The following MUC21 variants were observed in gnomAD, a reference collection of about 807,000 sequenced individuals.
MUC21 encodes mucin-21.
In MUC21, 8 loss-of-function variants were observed where a neutral mutation model predicts 9.1. The observed-to-expected ratio is 0.88, with a 90% CI of 0.52 to 1.59. The LOEUF is 1.59. Ranked by LOEUF, MUC21 falls within the 40% of genes most tolerant of loss-of-function variation. The pLI is 0.00. For synonymous variants in MUC21, 189 were observed against 275.2 expected, an observed-to-expected ratio of 0.69 and a Z score of 3.10; for missense variants, 478 against 694.2, an observed-to-expected ratio of 0.69 and a Z score of 3.50.
In MUC21 at chr6:30,987,669, C is replaced by G. The variant is rs753234539; in HGVS notation, c.1494C>G (p.Leu498=). The change falls in exon 2 of 3, where the codon CTC becomes CTG. Residue 498 remains leucine, a synonymous_variant. Coordinates refer to ENST00000376296, the MANE Select transcript of MUC21 (RefSeq NM_001010909.5). Reference sequence around the variant, plus strand: ...CGGCCGTGGGGCTCTTTGCTGGGCTCTTCTTCTGTGTGGTGAGTGCCTAAT... The same window carrying G: ...CGGCCGTGGGGCTCTTTGCTGGGCTGTTCTTCTGTGTGGTGAGTGCCTAAT... ...VVAAVGLFAG[L]FFCVRNSLSL... is the part of the protein sequence containing the mutation. 2 of 1,613,450 alleles carry G rather than the reference C, an allele frequency of 1.2e-6. No homozygotes were observed. The highest frequency in any genetic ancestry group is 4.5e-5 in the East Asian group (2 of 44,768).
intron 2 of MUC21, 124 bp from the exon 3 acceptor site, chr6:30,987,876 C>A: frequency 9.0e-7 from 1 of 1,109,102 alleles, no homozygotes; most frequent in Non-Finnish European, 1.3e-6. Flanking sequence ...ACAGAAAGGA[C>A]TGGAGAAAGG....
rs1396836570 is a variant in MUC21, at chr6:30,988,013, C to T, written c.1520C>T (p.Ser507Phe). The change falls in exon 3 of 3, where the codon TCC (serine) becomes TTC (phenylalanine). Residue 507 changes from serine (S) to phenylalanine (F), a missense_variant. Ser to Phe is a radical substitution (Grantham distance 155). Around this residue, in one of 5 missense-constraint regions of MUC21, gnomAD observed 158 missense variants for 192.6 expected, o/e 0.82. Transcript: ENST00000376296. ...GLFFCVRNSLSLRNTFNTAVY... is the reference protein window; with the variant it reads ...GLFFCVRNSLFLRNTFNTAVY... ...TTCTTTTTTTAGAGAAACAGCCTGT[C>T]CCTGAGAAACACCTTTAACACAGCT... 1.7e-6 allele frequency: 2 copies of T among 1,205,536 alleles called. No individual in the cohort carries two copies. The highest frequency in any genetic ancestry group is 1.5e-5 in the African/African-American group (1 of 66,996). The allele number at this position is 1,205,536 out of a possible 1,614,324, so 74.7% of individuals were successfully genotyped here.
intron 1 of MUC21, among the ~76,000 whole-genome samples, chr6:30,985,776 C>CT (rs1375995517): frequency 6.6e-6 from 1 of 151,978 alleles, no homozygotes; most frequent in African/African-American, 2.4e-5. Flanking sequence ...CCAGTGTCAA[C>CT]TTTTTTTTAT....
chr6:30,987,131 A>AGTGTGAC lies in MUC21; in HGVS notation c.956_957insGTGTGAC (p.Asp319GlufsTer18), dbSNP rs1562532458. ...GGGGCCAACACAGCCACCAACTCTG[A>AGTGTGAC]CTCCAGCACAACCTCCAGTGGGGCC... On this transcript the variant is annotated frameshift_variant, in exon 2 of 3. Transcript: ENST00000376296. LOFTEE classifies it high-confidence loss of function. The AGTGTGAC allele has an allele frequency of 1.3e-6, 2 of 1,563,824 alleles. No homozygotes were observed. Among genetic ancestry groups the AGTGTGAC allele is most frequent in the Admixed American group, 1.8e-5 (1 of 56,518 alleles).
At chr6:30,985,453 G>T (rs549983128) in intron 1 of MUC21, among the ~76,000 whole-genome samples, 1 of 152,244 alleles carries the variant, frequency 6.6e-6, no homozygotes, top group East Asian at 1.9e-4. Flanking sequence ...GCTCCCTTAA[G>T]TAATTCTGAA....
Position 30,987,566 on chromosome 6 carries a change from C to T in MUC21, c.1391C>T (p.Thr464Ile). ...GMHTTSHSAS[T>I]AVSEAKPGGS... ...CACACAACTTCCCATAGTGCATCTA[C>T]TGCAGTGAGTGAGGCGAAGCCTGGT... Residue 464 changes from threonine to isoleucine, a missense_variant, in exon 2 of 3, where the codon ACT (threonine) becomes ATT (isoleucine). Transcript: ENST00000376296. 1 of 1,614,270 alleles carries T rather than the reference C, an allele frequency of 6.2e-7. No individual in the cohort carries two copies. Among genetic ancestry groups the T allele is most frequent in the African/African-American group, 1.3e-5 (1 of 75,064 alleles).
At position 30,987,651 on chromosome 6, in the gene MUC21, G is replaced by A. The variant is rs949316933; in HGVS notation, c.1476G>A (p.Val492=). 1 of 1,614,016 alleles carries A rather than the reference G, an allele frequency of 6.2e-7. No homozygotes were observed. The highest frequency in any genetic ancestry group is 1.3e-5 in the African/African-American group (1 of 75,028). ...LITLVSVVAA[V]GLFAGLFFCV... is the part of the protein sequence containing the mutation. ...CCCTGGTCTCGGTTGTGGCGGCCGT[G>A]GGGCTCTTTGCTGGGCTCTTCTTCT... is the stretch of plus-strand genomic sequence containing the variant. Residue 492 remains valine, a synonymous_variant, in exon 2 of 3, where the codon GTG becomes GTA. Coordinates refer to ENST00000376296, the MANE Select transcript of MUC21 (RefSeq NM_001010909.5).
intron 1 of MUC21, 42 bp from the exon 2 acceptor site, chr6:30,986,195 A>G (rs754709043): frequency 1.3e-6 from 2 of 1,533,706 alleles, no homozygotes; most frequent in Non-Finnish European, 1.8e-6. Flanking sequence ...AGCAGAAAGT[A>G]TATACACACA....
In MUC21 at chr6:30,988,065, T is replaced by C. The variant is rs1581546068; in HGVS notation, c.1572T>C (p.His524=). ...TCTACCACCCTCATGGCCTCAACCA[T>C]GGCCTTGGTCCAGGCCCTGGAGGGA... ...TAVYHPHGLN[H]GLGPGPGGNH... The change falls in exon 3 of 3, where the codon CAT becomes CAC. Residue 524 remains histidine (H), a synonymous_variant. Coordinates refer to ENST00000376296, the MANE Select transcript of MUC21 (RefSeq NM_001010909.5). 1 of 1,556,642 alleles carries C rather than the reference T, an allele frequency of 6.4e-7. No homozygotes were observed. Among genetic ancestry groups the C allele is most frequent in the Non-Finnish European group, 8.9e-7 (1 of 1,128,492 alleles).
Position 30,987,483 on chromosome 6 carries a change from C to T in MUC21, c.1308C>T (p.Thr436=). 1 of 1,614,234 alleles carries T rather than the reference C, an allele frequency of 6.2e-7. No individual in the cohort carries two copies. Among genetic ancestry groups the T allele is most frequent in the Non-Finnish European group, 8.5e-7 (1 of 1,180,030 alleles). ...STTSSGANTA[T]NSGSSVTSAG... ...CCTCCAGTGGGGCCAACACAGCCACCAACTCTGGGTCCAGTGTGACCTCTG... is the reference window on the plus strand; with the variant it reads ...CCTCCAGTGGGGCCAACACAGCCACTAACTCTGGGTCCAGTGTGACCTCTG... Residue 436 remains threonine, a synonymous_variant, in exon 2 of 3, where the codon ACC becomes ACT. Transcript: ENST00000376296.
chr6:30,984,996 CAATAA>C (rs9257008), intron 1 of MUC21, among the ~76,000 whole-genome samples: 20,440 of 142,810 alleles, frequency 0.14, 1,630 homozygotes, highest in East Asian at 0.38. Flanking sequence ...AATAAATAAG[CAATAA>C]AATAAAATAA....
chr6:30,987,990 CT>C lies in MUC21; in HGVS notation c.1507-3del. 1.8e-6 allele frequency: 2 copies of C among 1,114,888 alleles called. No individual in the cohort carries two copies. The highest frequency in any genetic ancestry group is 2.8e-6 in the Non-Finnish European group (2 of 725,320). 69.1% of individuals were successfully genotyped at this position (1,114,888 alleles called of 1,614,324 possible). ...TGCAATTCTGAAACTATTGACTCTT[CT>C]TTTTTTAGAGAAACAGCCTGTCCCT... On this transcript the variant is annotated splice_polypyrimidine_tract_variant and intron_variant, in intron 2 of 2. Transcript: ENST00000376296.
chr6:30,987,557 G>A lies in MUC21; in HGVS notation c.1382G>A (p.Ser461Asn), dbSNP rs1309145591. The stretch of plus-strand genomic sequence containing the variant: ...ACTGGAATGCACACAACTTCCCATA[G>A]TGCATCTACTGCAGTGAGTGAGGCG... ...ALTGMHTTSH[S>N]ASTAVSEAKP... Residue 461 changes from serine to asparagine, a missense_variant, in exon 2 of 3, where the codon AGT becomes AAT. By Grantham distance (46) the Ser-to-Asn change is conservative. Coordinates refer to ENST00000376296, the MANE Select transcript of MUC21 (RefSeq NM_001010909.5). 6.2e-7 allele frequency: 1 copy of A among 1,614,290 alleles called. No individual in the cohort carries two copies. Among genetic ancestry groups the A allele is most frequent in the Non-Finnish European group, 8.5e-7 (1 of 1,180,050 alleles).
chr6:30,988,061 A>G lies in MUC21; in HGVS notation c.1568A>G (p.Asn523Ser). 6.4e-7 allele frequency: 1 copy of G among 1,552,978 alleles called. No individual in the cohort carries two copies. The highest frequency in any genetic ancestry group is 8.9e-7 in the Non-Finnish European group (1 of 1,125,262). ...GCTGTCTACCACCCTCATGGCCTCA[A>G]CCATGGCCTTGGTCCAGGCCCTGGA... ...NTAVYHPHGL[N>S]HGLGPGPGGN... Residue 523 changes from asparagine to serine, a missense_variant, in exon 3 of 3, where the codon AAC (asparagine) becomes AGC (serine). Asn to Ser is a conservative substitution (Grantham distance 46, BLOSUM62 1). This residue lies in a region of MUC21 where 158 missense variants were observed against 192.6 expected (regional missense o/e 0.82). Transcript: ENST00000376296.
In MUC21 at chr6:30,986,463, C is replaced by T; in HGVS notation, c.288C>T (p.Ser96=). 6.3e-7 allele frequency: 1 copy of T among 1,598,204 alleles called. No individual in the cohort carries two copies. The highest frequency in any genetic ancestry group is 1.1e-5 in the South Asian group (1 of 90,452). The change falls in exon 2 of 3, where the codon AGC becomes AGT. Residue 96 remains serine (S), a synonymous_variant. Transcript: ENST00000376296. ...GISTATNSEF[S]TVSSGISIAT... ...GCACAGCCACCAACTCTGAGTTCAGCACAGTGTCCAGTGGGATCAGCATAG... is the reference window on the plus strand; with the variant it reads ...GCACAGCCACCAACTCTGAGTTCAGTACAGTGTCCAGTGGGATCAGCATAG...
intron 1 of MUC21, among the ~76,000 whole-genome samples, chr6:30,984,919 G>A (rs891085676): frequency 6.6e-6 from 1 of 151,832 alleles, no homozygotes; most frequent in African/African-American, 2.4e-5. Flanking sequence ...ATGTTGCAGT[G>A]AGCTGAGATT....
chr6:30,984,782 C>A (rs1410194314), intron 1 of MUC21, among the ~76,000 whole-genome samples: 1 of 151,788 alleles, frequency 6.6e-6, no homozygotes, highest in Non-Finnish European at 1.5e-5. Flanking sequence ...TCAGACCAGC[C>A]TGGCCAACAT....
intron 2 of MUC21, 113 bp from the exon 3 acceptor site, chr6:30,987,887 A>C (rs1348303444): frequency 9.3e-7 from 1 of 1,074,770 alleles, no homozygotes; most frequent in Non-Finnish European, 1.4e-6. Flanking sequence ...TGGAGAAAGG[A>C]GAACTAGGTA....
At chr6:30,985,803 G>A (rs1025127329) in intron 1 of MUC21, among the ~76,000 whole-genome samples, 1 of 152,064 alleles carries the variant, frequency 6.6e-6, no homozygotes, top group African/African-American at 2.4e-5. Flanking sequence ...TTTTTGAGAC[G>A]GAGTTTTGCT....
Sources: gnomAD v4.1 joint callset for allele counts (sites outside exome capture counted in the v4.1 genomes callset) on GRCh38, gnomAD v4.1.1 for gene constraint, gnomAD v4.1.1 regional missense constraint, MANE v1.5 for transcripts, NCBI Gene and HGNC (gene_info 2026-07-23, HGNC 2026-07-21) for gene names.